Variants in GFOD1 observed in about 807,000 individuals in gnomAD.
The protein encoded by GFOD1 is Gfo/Idh/MocA-like oxidoreductase domain containing 1, also known as glucose-fructose oxidoreductase domain-containing protein 1.
In GFOD1, 9 loss-of-function variants were observed where a neutral mutation model predicts 25.4. The observed-to-expected ratio is 0.35, with a 90% confidence interval of 0.21 to 0.62. The LOEUF is 0.62. GFOD1 is among the 20% of genes least tolerant of loss of function. GFOD1 has a pLI of 0.72. For synonymous variants in GFOD1, 253 were observed against 245.6 expected, an observed-to-expected ratio of 1.03 and a Z score of -0.28; for missense variants, 403 against 556.9, an observed-to-expected ratio of 0.72 and a Z score of 2.78.
At chr6:13,429,622 A>G (rs535981218) in intron 1 of GFOD1, among the ~76,000 whole-genome samples, 23 of 152,318 alleles carry the variant, frequency 1.5e-4, no homozygotes, top group African/African-American at 4.8e-4. Flanking sequence ...TCTAAGAAAC[A>G]GCCCTTTGCC....
chr6:13,485,466 G>C (rs921535539), intron 1 of GFOD1, among the ~76,000 whole-genome samples: 2 of 152,120 alleles, frequency 1.3e-5, no homozygotes, highest in Non-Finnish European at 2.9e-5. Flanking sequence ...CTTTGTTCTT[G>C]TTATAAGCTT....
intron 1 of GFOD1, among the ~76,000 whole-genome samples, chr6:13,393,905 A>C (rs6926127): frequency 0.098 from 14,633 of 149,946 alleles, 752 homozygotes; most frequent in African/African-American, 0.15. Flanking sequence ...CAGCCTCCCG[A>C]GGAGGTGGGA....
chr6:13,434,318 G>T (rs1472575453), intron 1 of GFOD1, among the ~76,000 whole-genome samples: 1 of 149,094 alleles, frequency 6.7e-6, no homozygotes. Flanking sequence ...GAAATCAAGT[G>T]CAGGGCATTA....
At chr6:13,386,300 C>T (rs549395928) in intron 1 of GFOD1, among the ~76,000 whole-genome samples, 2 of 152,142 alleles carry the variant, frequency 1.3e-5, no homozygotes, top group East Asian at 1.9e-4. Flanking sequence ...GCCTCCTATC[C>T]GTCAGGTCCA....
At chr6:13,398,533 T>G (rs1002558095) in intron 1 of GFOD1, among the ~76,000 whole-genome samples, 1 of 152,244 alleles carries the variant, frequency 6.6e-6, no homozygotes, top group Non-Finnish European at 1.5e-5. Flanking sequence ...CCTCTGTCCT[T>G]AAACACCTAT....
At chr6:13,410,517 A>T in intron 1 of GFOD1, among the ~76,000 whole-genome samples, 1 of 151,364 alleles carries the variant, frequency 6.6e-6, no homozygotes, top group Non-Finnish European at 1.5e-5. Flanking sequence ...CAGTGAGCTT[A>T]GATAGCATCA....
intron 1 of GFOD1, among the ~76,000 whole-genome samples, chr6:13,377,018 G>GT (rs530360997): frequency 0.059 from 8,270 of 139,844 alleles, 611 homozygotes; most frequent in African/African-American, 0.19. Context: ...CAGCAGATAT[G>GT]TTTTTTTTTT....
rs1476242033 is a variant in GFOD1 at position 13,359,978 on chromosome 6, C to G, written c.*4765G>C. The stretch of plus-strand genomic sequence containing the variant: ...AAAAAAAAAGGATTTCCAGATTTCC[C>G]TGCAACTGCTCAGCGAATTGAGGTC... On this transcript the variant is annotated 3_prime_UTR_variant, in exon 2 of 2. Transcript: ENST00000379287. The G allele has an allele frequency of 1.3e-5, 2 of 152,264 alleles. No individual in the cohort carries two copies. Among genetic ancestry groups the G allele is most frequent in the Non-Finnish European group, 2.9e-5 (2 of 68,268 alleles). The allele number at this position is 152,264 out of a possible 1,614,324, so 9.4% of individuals were successfully genotyped here.
chr6:13,461,633 C>T (rs1486775551), intron 1 of GFOD1, among the ~76,000 whole-genome samples: 1 of 152,188 alleles, frequency 6.6e-6, no homozygotes, highest in Non-Finnish European at 1.5e-5. Flanking sequence ...CTGTCAGCTG[C>T]ATCTGTGAGT....
Position 13,359,714 on chromosome 6 carries a change from C to T in GFOD1, c.*5029G>A, listed in dbSNP as rs1290871467. The T allele has an allele frequency of 3.3e-5, 5 of 152,136 alleles. No individual in the cohort carries two copies. Among genetic ancestry groups the T allele is most frequent in the Non-Finnish European group, 5.9e-5 (4 of 68,018 alleles). 9.4% of individuals were successfully genotyped at this position (152,136 alleles called of 1,614,324 possible). A position where few individuals can be genotyped will look rare whatever the true frequency, so the allele number is the denominator to read the frequency against. ...CTGTCATCCCAGCACTTTGGGAGGTCAAGGCGGGCGGATCACAAGGTCAGG... is the reference window on the plus strand; with the variant it reads ...CTGTCATCCCAGCACTTTGGGAGGTTAAGGCGGGCGGATCACAAGGTCAGG... On this transcript the variant is annotated 3_prime_UTR_variant, in exon 2 of 2. Coordinates refer to ENST00000379287, the MANE Select transcript of GFOD1 (RefSeq NM_018988.4).
intron 1 of GFOD1, among the ~76,000 whole-genome samples, chr6:13,384,095 C>T (rs1785419220): frequency 1.3e-5 from 2 of 152,250 alleles, no homozygotes; most frequent in African/African-American, 4.8e-5. Context: ...GGTATGGTGG[C>T]ATGCGCCTAT....
intron 1 of GFOD1, among the ~76,000 whole-genome samples, chr6:13,412,259 A>G (rs1359901592): frequency 6.6e-6 from 1 of 152,196 alleles, no homozygotes; most frequent in African/African-American, 2.4e-5. Context: ...AGGTCATTGG[A>G]GTGGGCCTTA....
chr6:13,415,675 C>G (rs914680598), intron 1 of GFOD1, among the ~76,000 whole-genome samples: 7 of 152,204 alleles, frequency 4.6e-5, no homozygotes, highest in Non-Finnish European at 1.5e-5. Flanking sequence ...GCTGGGCAAG[C>G]TGACCTCTTC....
At chr6:13,372,172 T>C (rs1785166328) in intron 1 of GFOD1, among the ~76,000 whole-genome samples, 1 of 152,232 alleles carries the variant, frequency 6.6e-6, no homozygotes, top group South Asian at 2.1e-4. Flanking sequence ...GTTGCCGTGC[T>C]GTAATTAGGA....
chr6:13,409,179 G>GAA (rs1554201909), intron 1 of GFOD1, among the ~76,000 whole-genome samples: 4 of 34,206 alleles, frequency 1.2e-4, no homozygotes, highest in East Asian at 2.0e-3. Flanking sequence ...AAGAGAGAGA[G>GAA]AGAGAGAAAG....
chr6:13,412,399 G>C lies in GFOD1; in HGVS notation c.254-46737C>G, dbSNP rs370245812. Among the ~76,000 whole-genome samples, 7 of 152,278 alleles carry C rather than the reference G, an allele frequency of 4.6e-5. No individual in the cohort carries two copies. In the East Asian group the frequency reaches 1.2e-3, roughly 25 times the overall value. ...AAAGGCCTTAGGAGAAACCAACCCT[G>C]CTGGCACCTTGATCTTGAACTTCCA... On this transcript the variant is annotated intron_variant, in intron 1 of 1. Transcript: ENST00000379287.
At chr6:13,484,746 C>A (rs1419250971) in intron 1 of GFOD1, among the ~76,000 whole-genome samples, 1 of 152,180 alleles carries the variant, frequency 6.6e-6, no homozygotes, top group Non-Finnish European at 1.5e-5. Flanking sequence ...GCCATGGTCC[C>A]AGAGACAGCC....
intron 1 of GFOD1, among the ~76,000 whole-genome samples, chr6:13,409,223 G>GGA (rs1786021229): frequency 8.0e-6 from 1 of 125,044 alleles, no homozygotes; most frequent in Non-Finnish European, 1.8e-5. Flanking sequence ...AAGAGAGAGA[G>GGA]AGGAAGGAAG....
At chr6:13,432,018 G>A (rs1218271509) in intron 1 of GFOD1, among the ~76,000 whole-genome samples, 1 of 152,180 alleles carries the variant, frequency 6.6e-6, no homozygotes, top group East Asian at 1.9e-4. Flanking sequence ...ACAGCTCAGG[G>A]AGGAGAGGGT....
Sources: gnomAD v4.1 joint callset for allele counts (sites outside exome capture counted in the v4.1 genomes callset) on GRCh38, gnomAD v4.1.1 for gene constraint, MANE v1.5 for transcripts, NCBI Gene and HGNC (gene_info 2026-07-23, HGNC 2026-07-21) for gene names.